Variants in NBEA observed in about 807,000 individuals in gnomAD.
NBEA encodes the protein neurobeachin.
A neutral mutation model predicts 343.4 loss-of-function variants in NBEA; 44 were observed. The observed-to-expected ratio is 0.13, with a 90% confidence interval of 0.10 to 0.16. NBEA has a LOEUF of 0.16. NBEA is among the 10% of genes least tolerant of loss of function. NBEA has a pLI of 1.00. For missense variants in NBEA, 2,555 were observed against 3,631.3 expected, an observed-to-expected ratio of 0.70 and a Z score of 7.62; for synonymous variants, 1,175 against 1,238.7, an observed-to-expected ratio of 0.95 and a Z score of 1.08.
intron 35 of NBEA, among the ~76,000 whole-genome samples, chr13:35,304,172 C>T (rs117414712): frequency 0.019 from 2,959 of 152,238 alleles, 52 homozygotes; most frequent in South Asian, 0.034. Context: ...TTCTGCCACC[C>T]TCTCTTCCTC....
At chr13:35,031,622 G>T (rs2062221718) in intron 1 of NBEA, among the ~76,000 whole-genome samples, 1 of 151,132 alleles carries the variant, frequency 6.6e-6, no homozygotes. Flanking sequence ...CTCATTTCAT[G>T]CTCCCAACAA....
intron 48 of NBEA, among the ~76,000 whole-genome samples, chr13:35,620,672 A>G (rs761880618): frequency 4.6e-5 from 7 of 152,184 alleles, no homozygotes; most frequent in Non-Finnish European, 7.3e-5. Context: ...AGTGTTGGGA[A>G]TGAATGATTC....
chr13:35,615,787 C>T (rs1006183971), intron 48 of NBEA, among the ~76,000 whole-genome samples: 1 of 152,078 alleles, frequency 6.6e-6, no homozygotes, highest in African/African-American at 2.4e-5. Flanking sequence ...GAAGGAAATC[C>T]GAAGCCAGCT....
intron 34 of NBEA, among the ~76,000 whole-genome samples, chr13:35,275,602 T>C (rs1214715111): frequency 6.6e-6 from 1 of 151,958 alleles, no homozygotes; most frequent in Non-Finnish European, 1.5e-5. Flanking sequence ...TGCAATCTAC[T>C]CATCTGACAA....
intron 38 of NBEA, among the ~76,000 whole-genome samples, chr13:35,410,848 G>A (rs2043539360): frequency 6.6e-6 from 1 of 152,202 alleles, no homozygotes; most frequent in Admixed American, 6.6e-5. Context: ...GCACTTGTTT[G>A]ATAAGGGGAA....
At chr13:35,364,608 A>G (rs920286404) in intron 38 of NBEA, among the ~76,000 whole-genome samples, 1 of 151,850 alleles carries the variant, frequency 6.6e-6, no homozygotes, top group African/African-American at 2.4e-5. Context: ...CAACTCCAAA[A>G]TGTTGTCATG....
intron 41 of NBEA, among the ~76,000 whole-genome samples, chr13:35,537,962 C>T (rs1196835836): frequency 6.6e-6 from 1 of 152,152 alleles, no homozygotes; most frequent in East Asian, 1.9e-4. Context: ...AGCTTCTTCC[C>T]ACTGTCCTCT....
At chr13:35,638,260 A>G (rs2083787358) in intron 49 of NBEA, among the ~76,000 whole-genome samples, 1 of 152,210 alleles carries the variant, frequency 6.6e-6, no homozygotes, top group Non-Finnish European at 1.5e-5. Context: ...ATTTTGTGTT[A>G]TATATATTCT....
chr13:35,543,793 TGTG>T (rs1239615877), intron 41 of NBEA, among the ~76,000 whole-genome samples: 2 of 152,094 alleles, frequency 1.3e-5, no homozygotes, highest in African/African-American at 4.8e-5. Flanking sequence ...CACCAAGACA[TGTG>T]GTGAGAGGTG....
chr13:35,231,695 A>G (rs1004429937), intron 33 of NBEA, among the ~76,000 whole-genome samples: 1 of 152,062 alleles, frequency 6.6e-6, no homozygotes, highest in African/African-American at 2.4e-5. Flanking sequence ...AGGTACTGCA[A>G]TCATCTTCAT....
At position 35,548,300 on chromosome 13, in the gene NBEA, A is replaced by G. The variant is rs375759702; in HGVS notation, c.6586-2177A>G. Among the ~76,000 whole-genome samples, 4 of 152,240 alleles carry G rather than the reference A, an allele frequency of 2.6e-5. No homozygotes were observed. The East Asian group carries it at 7.7e-4, about 29-fold the overall frequency. On this transcript the variant is annotated intron_variant, in intron 41 of 58. Coordinates refer to ENST00000379939, the MANE Select transcript of NBEA (RefSeq NM_001385012.1). ...ATGGTGCACTTAAGGAGTCAAACTA[A>G]CATACTTTTTGGAGCTATCTGCTTG...
At chr13:35,323,357 T>A (rs919233898) in intron 36 of NBEA, among the ~76,000 whole-genome samples, 2 of 151,914 alleles carry the variant, frequency 1.3e-5, no homozygotes, top group African/African-American at 2.4e-5. Context: ...AATGTGGCAC[T>A]TATACACCAT....
At position 35,665,046 on chromosome 13, in the gene NBEA, A is replaced by G. The variant is rs201077900; in HGVS notation, c.8363-39A>G. ...GCTGGTGTAGCTCTCTCCCCCTGCT[A>G]TTGGTCTGTAGTGCCTCACTGCTGC... On this transcript the variant is annotated intron_variant, in intron 55 of 58. Coordinates refer to ENST00000379939, the MANE Select transcript of NBEA (RefSeq NM_001385012.1). The G allele has an allele frequency of 1.9e-5, 26 of 1,357,696 alleles. No homozygotes were observed. In the Middle Eastern group the frequency reaches 5.3e-4, roughly 28 times the overall value. 84.1% of individuals were successfully genotyped at this position (1,357,696 alleles called of 1,614,324 possible). A position where few individuals can be genotyped will look rare whatever the true frequency, so the allele number is the denominator to read the frequency against.
chr13:35,349,848 A>C (rs1594308514), intron 37 of NBEA, among the ~76,000 whole-genome samples: 1 of 152,074 alleles, frequency 6.6e-6, no homozygotes. Flanking sequence ...CAGCTCTGTG[A>C]GTCATACAAG....
intron 1 of NBEA, among the ~76,000 whole-genome samples, chr13:35,031,793 T>G (rs2062231609): frequency 6.6e-6 from 1 of 151,690 alleles, no homozygotes; most frequent in South Asian, 2.1e-4. Context: ...CTTCTCTCCC[T>G]CCTCCCACCC....
chr13:35,362,186 G>A (rs1438024820), intron 38 of NBEA, among the ~76,000 whole-genome samples: 1 of 151,764 alleles, frequency 6.6e-6, no homozygotes, highest in Non-Finnish European at 1.5e-5. Flanking sequence ...TTATTTAATT[G>A]TTGTTATAAA....
rs375024856 is a variant in NBEA at position 35,619,903 on chromosome 13, T to C, written c.7450-8178T>C. Among the ~76,000 whole-genome samples the C allele has an allele frequency of 6.6e-5, 10 of 152,256 alleles. No individual in the cohort carries two copies. In the East Asian group the frequency reaches 1.5e-3, roughly 24 times the overall value. On this transcript the variant is annotated intron_variant, in intron 48 of 58. Coordinates refer to ENST00000379939, the MANE Select transcript of NBEA (RefSeq NM_001385012.1). ...TTATGGAAAATACAAAGAATGGCCA[T>C]GGATCCTACTCTAAGTGAAGTTAGA...
chr13:35,337,469 A>G (rs892425344), intron 36 of NBEA, among the ~76,000 whole-genome samples: 19 of 152,150 alleles, frequency 1.2e-4, no homozygotes, highest in African/African-American at 4.3e-4. Flanking sequence ...TTAAAAATAT[A>G]TGCACTTAAC....
At chr13:35,360,741 A>G (rs960867620) in intron 38 of NBEA, among the ~76,000 whole-genome samples, 1 of 152,090 alleles carries the variant, frequency 6.6e-6, no homozygotes, top group East Asian at 1.9e-4. Context: ...TAGAATGAAG[A>G]TGACAGAGGA....
Sources: gnomAD v4.1 joint callset for allele counts (sites outside exome capture counted in the v4.1 genomes callset) on GRCh38, gnomAD v4.1.1 for gene constraint, MANE v1.5 for transcripts, NCBI Gene and HGNC (gene_info 2026-07-23, HGNC 2026-07-21) for gene names.